SAMD3: variants seen among roughly 807,000 people sequenced by gnomAD.
SAMD3 encodes the protein sterile alpha motif domain-containing protein 3.
In SAMD3, 63 loss-of-function variants were observed where a neutral mutation model predicts 58.5. That is an observed-to-expected ratio of 1.08 (90% confidence interval 0.88 to 1.33). The LOEUF is 1.33. Among genes scored for constraint, SAMD3 ranks in the 40% most tolerant of loss-of-function variants. The probability of loss-of-function intolerance (pLI) is 0.00; values close to 1 mark genes in which losing one functional copy is unlikely to be tolerated. For synonymous variants in SAMD3, 220 were observed against 210.3 expected, an observed-to-expected ratio of 1.05 and a Z score of -0.40; for missense variants, 604 against 608.4, an observed-to-expected ratio of 0.99 and a Z score of 0.08.
chr6:130,285,175 C>T (rs954592402), intron 2 of SAMD3, among the ~76,000 whole-genome samples: 2 of 152,118 alleles, frequency 1.3e-5, no homozygotes, highest in African/African-American at 4.8e-5. Flanking sequence ...ATATAGTAGA[C>T]ACCAAGTGGA....
Position 130,229,515 on chromosome 6 carries a change from C to T in SAMD3, c.-187-6702G>A, listed in dbSNP as rs181536869. Among the ~76,000 whole-genome samples, 117 of 152,242 alleles carry T rather than the reference C, an allele frequency of 7.7e-4. 1 individual carries two copies. Among genetic ancestry groups the T allele is most frequent in the African/African-American group, 2.7e-3 (114 of 41,534 alleles). ...AGTGGAAGCTTCATGTCTTGTGCTC[C>T]TGAGCTATTGGACTGAGATTTATAC... On this transcript the variant is annotated intron_variant, in intron 2 of 13. Coordinates refer to the SAMD3 transcript ENST00000368134.
chr6:130,220,614 G>A (rs1022970653), intron 1 of SAMD3, among the ~76,000 whole-genome samples: 2 of 152,104 alleles, frequency 1.3e-5, no homozygotes, highest in African/African-American at 2.4e-5. Context: ...ATTTCCCTCA[G>A]AATTAATTTA....
intron 2 of SAMD3, among the ~76,000 whole-genome samples, chr6:130,244,269 T>C (rs1351092183): frequency 1.3e-5 from 2 of 152,206 alleles, no homozygotes; most frequent in African/African-American, 4.8e-5. Flanking sequence ...TAAAAGCCTG[T>C]AAATGATTGA....
At chr6:130,339,221 G>T (rs60436866) in intron 1 of SAMD3, among the ~76,000 whole-genome samples, 2,017 of 152,084 alleles carry the variant, frequency 0.013, 39 homozygotes, top group African/African-American at 0.046. Context: ...TAATTTTTTT[G>T]TATTTTTAGT....
intron 2 of SAMD3, among the ~76,000 whole-genome samples, chr6:130,306,350 A>G (rs1222210520): frequency 6.6e-6 from 1 of 152,214 alleles, no homozygotes; most frequent in Non-Finnish European, 1.5e-5. Context: ...AGGAACAAAA[A>G]AGGAAAGATT....
chr6:130,197,461 G>C (rs1794242564), intron 5 of SAMD3, among the ~76,000 whole-genome samples: 1 of 152,068 alleles, frequency 6.6e-6, no homozygotes, highest in Admixed American at 6.6e-5. Context: ...ATCTCCTTAG[G>C]CACTCTCTAA....
At chr6:130,292,267 C>CTTTTTTTTTTTTTTTTTTTTTTTTTT (rs1554271698) in intron 2 of SAMD3, among the ~76,000 whole-genome samples, 1 of 83,942 alleles carries the variant, frequency 1.2e-5, no homozygotes, top group African/African-American at 3.9e-5. Flanking sequence ...TTTTTTCTTT[C>CTTTTTTTTTTTTTTTTTTTTTTTTTT]TTTCTTTTTT....
At chr6:130,143,217 C>T (rs1388479611), downstream of SAMD3, 3 of 152,134 alleles carry the variant, frequency 2.0e-5, no homozygotes, top group African/African-American at 7.2e-5. Context: ...ACTATTTCTT[C>T]AATAGTTTGC....
intron 2 of SAMD3, among the ~76,000 whole-genome samples, chr6:130,304,073 T>C (rs900342286): frequency 2.0e-5 from 3 of 152,240 alleles, no homozygotes; most frequent in Non-Finnish European, 2.9e-5. Flanking sequence ...CCCTTTCAAA[T>C]GTAAGTTTTA....
chr6:130,204,310 CCAAAAAAT>C (rs1401172577), intron 5 of SAMD3, among the ~76,000 whole-genome samples: 1 of 152,060 alleles, frequency 6.6e-6, no homozygotes, highest in Non-Finnish European at 1.5e-5. Context: ...AAAGCTCTTC[CCAAAAAAT>C]CACCAGCACA....
chr6:130,186,306 G>C (rs999891962), intron 5 of SAMD3, among the ~76,000 whole-genome samples: 9 of 152,210 alleles, frequency 5.9e-5, no homozygotes, highest in African/African-American at 2.2e-4. Context: ...TAGCATTTTA[G>C]GTCATCCTTT....
intron 10 of SAMD3, 135 bp from the exon 11 acceptor site, chr6:130,145,557 A>G (rs1328226005): frequency 1.1e-5 from 6 of 570,246 alleles, no homozygotes; most frequent in South Asian, 9.6e-5. Context: ...TCAATGTTTC[A>G]CACCTTTTTA....
chr6:130,158,177 C>CA (rs895836454), intron 8 of SAMD3, among the ~76,000 whole-genome samples: 1 of 152,134 alleles, frequency 6.6e-6, no homozygotes, highest in African/African-American at 2.4e-5. Flanking sequence ...CCAAACCTAT[C>CA]AAAAACCACA....
chr6:130,201,973 A>G (rs1392499060), intron 5 of SAMD3, among the ~76,000 whole-genome samples: 2 of 152,042 alleles, frequency 1.3e-5, no homozygotes, highest in African/African-American at 4.8e-5. Context: ...TGTCTACCAG[A>G]CTCTGAATTC....
At chr6:130,216,028 T>C in intron 2 of SAMD3, 1 of 418,088 alleles carries the variant, frequency 2.4e-6, no homozygotes, top group East Asian at 3.5e-5. Flanking sequence ...AACTTTTTAC[T>C]TAATTGGGCA....
chr6:130,295,842 C>T (rs1009761941), intron 2 of SAMD3, among the ~76,000 whole-genome samples: 1 of 152,154 alleles, frequency 6.6e-6, no homozygotes, highest in African/African-American at 2.4e-5. Context: ...CACTTCCCTG[C>T]CCTTCTTGAC....
intron 2 of SAMD3, among the ~76,000 whole-genome samples, chr6:130,266,100 T>C (rs1774342342): frequency 6.6e-6 from 1 of 152,120 alleles, no homozygotes; most frequent in Non-Finnish European, 1.5e-5. Flanking sequence ...AAGGGGAACG[T>C]GTAACCCTAG....
rs1417229642 is a variant in SAMD3 at position 130,347,178 on chromosome 6, C to G, written c.-304+17942G>C. 2.0e-5 allele frequency among the ~76,000 whole-genome samples: 3 copies of G among 152,244 alleles called. No individual in the cohort carries two copies. The East Asian group carries it at 5.8e-4, about 29-fold the overall frequency. On this transcript the variant is annotated intron_variant, in intron 1 of 13. Coordinates refer to the SAMD3 transcript ENST00000368134. ...AACTCTAAAAAGCAGAGTGCCTCTC[C>G]TCCTCCAAAGGAATGCTCCTCACCA...
intron 2 of SAMD3, among the ~76,000 whole-genome samples, chr6:130,253,671 C>T (rs301428): frequency 0.032 from 4,834 of 151,918 alleles, 118 homozygotes; most frequent in Middle Eastern, 0.051. Context: ...AAGTAAATAT[C>T]AATGCTTTCT....
Sources: gnomAD v4.1 joint callset for allele counts (sites outside exome capture counted in the v4.1 genomes callset) on GRCh38, gnomAD v4.1.1 for gene constraint, MANE v1.5 for transcripts, NCBI Gene and HGNC (gene_info 2026-07-23, HGNC 2026-07-21) for gene names.